Variants in APBA2 observed in about 807,000 individuals in gnomAD.
APBA2 encodes the protein amyloid-beta A4 precursor protein-binding family A member 2.
In APBA2, 30 loss-of-function variants were observed where a neutral mutation model predicts 75.0. The ratio of observed to expected loss-of-function variants is 0.40; its 90% CI spans 0.30 to 0.54. The LOEUF (loss-of-function observed/expected upper bound fraction) is 0.54, where lower values mean the gene tolerates loss of function less well. Among genes scored for constraint, APBA2 ranks in the 20% least tolerant of loss-of-function variants. The pLI, the probability that APBA2 is intolerant of heterozygous loss-of-function variation, is 0.49. For missense variants in APBA2, 801 were observed against 1,016.1 expected, an observed-to-expected ratio of 0.79 and a Z score of 2.88; for synonymous variants, 444 against 409.6, an observed-to-expected ratio of 1.08 and a Z score of -1.01.
At chr15:29,090,994 G>A (rs2043540282) in intron 6 of APBA2, among the ~76,000 whole-genome samples, 2 of 152,280 alleles carry the variant, frequency 1.3e-5, no homozygotes, top group African/African-American at 2.4e-5. Context: ...CCAGGGTATG[G>A]TGGGGGTACT....
chr15:29,090,914 C>T (rs1262540077), intron 6 of APBA2, among the ~76,000 whole-genome samples: 1 of 152,118 alleles, frequency 6.6e-6, no homozygotes, highest in African/African-American at 2.4e-5. Flanking sequence ...CCTGTGGCAG[C>T]CAGGGCTGTC....
intron 2 of APBA2, among the ~76,000 whole-genome samples, chr15:28,954,333 C>T (rs924753794): frequency 6.6e-6 from 1 of 152,200 alleles, no homozygotes; most frequent in Non-Finnish European, 1.5e-5. Flanking sequence ...CCGACCAGAG[C>T]TCTCCGTTCC....
At chr15:29,098,681 C>A in intron 9 of APBA2, 105 bp downstream of exon 9, 1 of 967,188 alleles carries the variant, frequency 1.0e-6, no homozygotes, top group Non-Finnish European at 1.6e-6. Context: ...CTCCTGTGCT[C>A]TCTGCGCCCA....
At chr15:28,906,188 C>T (rs1052481921) in intron 1 of APBA2, among the ~76,000 whole-genome samples, 11 of 152,104 alleles carry the variant, frequency 7.2e-5, no homozygotes, top group Non-Finnish European at 1.2e-4. Context: ...CAGCATTATT[C>T]TTTTTTAAAA....
intron 3 of APBA2, among the ~76,000 whole-genome samples, chr15:29,002,026 A>G (rs1285931922): frequency 6.6e-6 from 1 of 152,224 alleles, no homozygotes; most frequent in Admixed American, 6.5e-5. Context: ...GTTCTTGAAT[A>G]TAATAGTCCC....
intron 2 of APBA2, among the ~76,000 whole-genome samples, chr15:28,985,928 G>A (rs974801724): frequency 2.6e-5 from 4 of 152,198 alleles, no homozygotes; most frequent in East Asian, 3.9e-4. Flanking sequence ...GAGGAGCGGC[G>A]GAGCAGGTGG....
chr15:29,004,329 T>A (rs901662637), intron 3 of APBA2, among the ~76,000 whole-genome samples: 1 of 152,196 alleles, frequency 6.6e-6, no homozygotes, highest in African/African-American at 2.4e-5. Context: ...GAGGGCTCTT[T>A]GCCTCTTTGC....
intron 2 of APBA2, among the ~76,000 whole-genome samples, chr15:28,986,267 A>G (rs1028984338): frequency 2.1e-4 from 32 of 152,120 alleles, no homozygotes; most frequent in Non-Finnish European, 4.1e-4. Flanking sequence ...AACATTAACT[A>G]AAGTGCTGAG....
chr15:29,035,669 T>G (rs2040709441), intron 3 of APBA2, among the ~76,000 whole-genome samples: 1 of 152,138 alleles, frequency 6.6e-6, no homozygotes, highest in Non-Finnish European at 1.5e-5. Context: ...GAAATCGATG[T>G]GGTGTTCCAC....
chr15:28,975,556 TG>T (rs1462513437), intron 2 of APBA2, among the ~76,000 whole-genome samples: 2 of 152,144 alleles, frequency 1.3e-5, no homozygotes, highest in South Asian at 2.1e-4. Context: ...CAAGAAAACA[TG>T]GGTAAATTTT....
At chr15:29,089,770 A>G (rs377048570) in intron 6 of APBA2, among the ~76,000 whole-genome samples, 3 of 152,212 alleles carry the variant, frequency 2.0e-5, no homozygotes, top group African/African-American at 4.8e-5. Context: ...TACACTGTGC[A>G]TATGCCTATG....
intron 2 of APBA2, among the ~76,000 whole-genome samples, chr15:28,932,331 A>C (rs2034607831): frequency 6.6e-6 from 1 of 152,082 alleles, no homozygotes; most frequent in African/African-American, 2.4e-5. Context: ...GCCATGAGGT[A>C]CCCATCCCTT....
At position 29,054,779 on chromosome 15, in the gene APBA2, G is replaced by T; in HGVS notation, c.895G>T (p.Gly299Cys). Residue 299 changes from glycine to cysteine, a missense_variant, in exon 4 of 15, where the codon GGC (glycine) becomes TGC (cysteine). By Grantham distance (159) the Gly-to-Cys change is radical (BLOSUM62 -3). Transcript: ENST00000683413. The surrounding 1 kb of genome is among the most constrained non-coding windows in gnomAD (Gnocchi z 6.1). ...CAAGCACCCCGGAGACCCCCAGAGA[G>T]GCTTCAAGCCCAAGACCAGGACCCC... is the stretch of plus-strand genomic sequence containing the variant. ...EAKHPGDPQR[G>C]FKPKTRTPEE... The T allele has an allele frequency of 6.2e-7, 1 of 1,604,246 alleles. No individual in the cohort carries two copies. Among genetic ancestry groups the T allele is most frequent in the Non-Finnish European group, 8.5e-7 (1 of 1,179,970 alleles).
chr15:28,893,368 A>G (rs1333942782), intron 1 of APBA2, among the ~76,000 whole-genome samples: 2 of 152,146 alleles, frequency 1.3e-5, no homozygotes, highest in Non-Finnish European at 2.9e-5. Context: ...ACCTGGCACT[A>G]CCTCCAGCCT....
chr15:28,938,662 C>T (rs981374733), intron 2 of APBA2, among the ~76,000 whole-genome samples: 2 of 152,082 alleles, frequency 1.3e-5, no homozygotes, highest in African/African-American at 4.8e-5. Flanking sequence ...AGGTACGCCA[C>T]CTCGCCTGGC....
intron 3 of APBA2, among the ~76,000 whole-genome samples, chr15:29,052,995 T>G (rs1219655586): frequency 1.3e-5 from 2 of 152,174 alleles, no homozygotes; most frequent in Non-Finnish European, 2.9e-5. Flanking sequence ...CTCTCAACAC[T>G]GTTGCATTAG....
At chr15:29,012,047 T>C (rs550648794) in intron 3 of APBA2, among the ~76,000 whole-genome samples, 22 of 152,362 alleles carry the variant, frequency 1.4e-4, no homozygotes, top group Non-Finnish European at 2.9e-5. Flanking sequence ...TTCCCATACA[T>C]CCTGTACCTA....
At chr15:28,950,330 A>G (rs1029686037) in intron 2 of APBA2, among the ~76,000 whole-genome samples, 1 of 152,140 alleles carries the variant, frequency 6.6e-6, no homozygotes, top group African/African-American at 2.4e-5. Flanking sequence ...TGCTCACTGT[A>G]AGATTACCCC....
chr15:29,075,090 C>A, intron 5 of APBA2, 89 bp downstream of exon 5: 1 of 1,000,604 alleles, frequency 1.0e-6, no homozygotes, highest in Non-Finnish European at 1.6e-6. Flanking sequence ...TCACTTTGTC[C>A]ATGATGTTCT....
Sources: allele counts gnomAD v4.1 joint callset (sites outside exome capture counted in the v4.1 genomes callset), GRCh38; gene constraint gnomAD v4.1.1; non-coding constraint Gnocchi (gnomAD v3.1); transcripts MANE v1.5; gene names NCBI Gene and HGNC (gene_info 2026-07-23, HGNC 2026-07-21).